CTNNA3: variants seen among roughly 807,000 people sequenced by gnomAD.
CTNNA3 encodes the protein catenin alpha-3.
Under a neutral mutation model 95.7 loss-of-function variants are expected in CTNNA3, and 76 were observed. The observed-to-expected ratio is 0.79, with a 90% confidence interval of 0.66 to 0.96. The LOEUF (loss-of-function observed/expected upper bound fraction) is 0.96. CTNNA3 is among the 40% of genes least tolerant of loss of function. The probability of loss-of-function intolerance (pLI) is 0.00; values close to 1 mark genes in which losing one functional copy is unlikely to be tolerated. For synonymous variants in CTNNA3, 431 were observed against 374.4 expected, an observed-to-expected ratio of 1.15 and a Z score of -1.74; for missense variants, 1,191 against 1,089.8, an observed-to-expected ratio of 1.09 and a Z score of -1.31.
chr10:66,714,829 A>G (rs1037291123), intron 9 of CTNNA3, among the ~76,000 whole-genome samples: 3 of 152,046 alleles, frequency 2.0e-5, no homozygotes, highest in Admixed American at 6.6e-5. Flanking sequence ...GGCAAAACCA[A>G]TCATGTCATT....
chr10:67,648,233 C>T (rs1839776866), intron 1 of CTNNA3, among the ~76,000 whole-genome samples: 1 of 152,242 alleles, frequency 6.6e-6, no homozygotes, highest in Admixed American at 6.5e-5. Flanking sequence ...TAACAATATA[C>T]ATTTATACCA....
intron 9 of CTNNA3, among the ~76,000 whole-genome samples, chr10:66,641,655 T>C (rs1368918560): frequency 6.6e-6 from 1 of 152,150 alleles, no homozygotes; most frequent in East Asian, 1.9e-4. Flanking sequence ...CTCTTTTTCA[T>C]TGTGATAAAA....
intron 5 of CTNNA3, among the ~76,000 whole-genome samples, chr10:67,469,652 T>C (rs1056304695): frequency 8.5e-5 from 13 of 152,094 alleles, no homozygotes; most frequent in African/African-American, 3.1e-4. Flanking sequence ...GAGAAATACC[T>C]AATGTCAATG....
chr10:66,672,106 G>A (rs559048388), intron 9 of CTNNA3, among the ~76,000 whole-genome samples: 2 of 152,220 alleles, frequency 1.3e-5, no homozygotes, highest in African/African-American at 4.8e-5. Context: ...AGAGAGAATG[G>A]AGGAAGGGGC....
chr10:66,172,536 T>C (rs569664974), intron 13 of CTNNA3, among the ~76,000 whole-genome samples: 1 of 152,280 alleles, frequency 6.6e-6, no homozygotes, highest in Admixed American at 6.5e-5. Context: ...TTCTTGTTTA[T>C]TTCAGACATT....
intron 3 of CTNNA3, among the ~76,000 whole-genome samples, chr10:67,596,965 T>G (rs926543335): frequency 6.6e-6 from 1 of 152,234 alleles, no homozygotes; most frequent in Non-Finnish European, 1.5e-5. Context: ...TCCTTTTTTG[T>G]CTTTTTCCTT....
At chr10:67,543,056 T>A (rs1232324568) in intron 3 of CTNNA3, among the ~76,000 whole-genome samples, 2 of 152,058 alleles carry the variant, frequency 1.3e-5, no homozygotes, top group Non-Finnish European at 2.9e-5. Context: ...ATAACTACAT[T>A]TTTTCTTCAA....
At chr10:66,291,807 A>G (rs1201277532) in intron 12 of CTNNA3, among the ~76,000 whole-genome samples, 1 of 151,520 alleles carries the variant, frequency 6.6e-6, no homozygotes, top group Non-Finnish European at 1.5e-5. Flanking sequence ...GCATATATAT[A>G]CACACCAAAT....
At chr10:66,716,511 GAGA>G (rs1340389912) in intron 9 of CTNNA3, among the ~76,000 whole-genome samples, 1 of 152,144 alleles carries the variant, frequency 6.6e-6, no homozygotes, top group African/African-American at 2.4e-5. Flanking sequence ...AAAAATTGTG[GAGA>G]AGAATTTTCC....
chr10:66,230,464 T>C (rs1190253738), intron 13 of CTNNA3, among the ~76,000 whole-genome samples: 4 of 152,214 alleles, frequency 2.6e-5, no homozygotes, highest in African/African-American at 7.2e-5. Context: ...CTGTAATCAA[T>C]GTCATCAGTG....
At chr10:67,705,544 C>G (rs1002933173) in intron 1 of CTNNA3, among the ~76,000 whole-genome samples, 1 of 146,720 alleles carries the variant, frequency 6.8e-6, no homozygotes, top group Non-Finnish European at 1.5e-5. Flanking sequence ...AAACAAACAC[C>G]GCATATTCTC....
intron 9 of CTNNA3, among the ~76,000 whole-genome samples, chr10:66,696,082 C>T (rs747035863): frequency 2.6e-5 from 4 of 152,094 alleles, no homozygotes; most frequent in African/African-American, 4.8e-5. Flanking sequence ...GGATTACTAA[C>T]AGGTATGCAA....
At chr10:66,108,670 G>T (rs1193514060) in intron 13 of CTNNA3, among the ~76,000 whole-genome samples, 1 of 151,914 alleles carries the variant, frequency 6.6e-6, no homozygotes, top group Non-Finnish European at 1.5e-5. Context: ...TAACTTACAT[G>T]AAAATAGGGA....
intron 3 of CTNNA3, among the ~76,000 whole-genome samples, chr10:67,558,873 T>A (rs1404047311): frequency 6.6e-6 from 1 of 151,406 alleles, no homozygotes; most frequent in South Asian, 2.1e-4. Flanking sequence ...GCCCACGGAG[T>A]CTCGCTGATT....
intron 5 of CTNNA3, among the ~76,000 whole-genome samples, chr10:67,462,124 C>T (rs1358457200): frequency 6.6e-6 from 1 of 152,100 alleles, no homozygotes; most frequent in Non-Finnish European, 1.5e-5. Context: ...TCATGATATC[C>T]CTTCTGGCTT....
intron 9 of CTNNA3, among the ~76,000 whole-genome samples, chr10:66,675,410 C>A (rs1846818909): frequency 6.6e-6 from 1 of 151,922 alleles, no homozygotes; most frequent in Non-Finnish European, 1.5e-5. Flanking sequence ...ACTTCCCATC[C>A]TAAAGCTGGA....
chr10:66,246,154 T>G (rs1346976360), intron 13 of CTNNA3, among the ~76,000 whole-genome samples: 1 of 152,172 alleles, frequency 6.6e-6, no homozygotes, highest in Non-Finnish European at 1.5e-5. Context: ...TGGCCCTGAC[T>G]TTCCTCCAAG....
chr10:66,085,189 A>G (rs1465437360), intron 14 of CTNNA3: 1 of 152,176 alleles, frequency 6.6e-6, no homozygotes, highest in Non-Finnish European at 1.5e-5. Context: ...ATGAAATAAT[A>G]TATTCATTTT....
At chr10:67,726,689 G>T (rs1385506824) in intron 1 of CTNNA3, among the ~76,000 whole-genome samples, 3 of 1,162 alleles carry the variant, frequency 2.6e-3, no homozygotes, top group African/African-American at 5.9e-3. Flanking sequence ...AATATATGAT[G>T]TATTATATAT....
Sources: allele counts gnomAD v4.1 joint callset (sites outside exome capture counted in the v4.1 genomes callset), GRCh38; gene constraint gnomAD v4.1.1; transcripts MANE v1.5; gene names NCBI Gene and HGNC (gene_info 2026-07-23, HGNC 2026-07-21).